Variants in DPYD observed in about 807,000 individuals in gnomAD.
DPYD encodes the protein dihydropyrimidine dehydrogenase.
A neutral mutation model predicts 116.2 loss-of-function variants in DPYD; 109 were observed. The observed-to-expected ratio is 0.94, with a 90% CI of 0.80 to 1.10. The LOEUF is 1.10. DPYD is among the 50% of genes least tolerant of loss of function. The pLI is 0.00. For missense variants in DPYD, 1,302 were observed against 1,254.5 expected, an observed-to-expected ratio of 1.04 and a Z score of -0.57; for synonymous variants, 440 against 432.0, an observed-to-expected ratio of 1.02 and a Z score of -0.23.
intron 12 of DPYD, among the ~76,000 whole-genome samples, chr1:97,527,880 A>C (rs1024637580): frequency 3.3e-5 from 5 of 152,100 alleles, no homozygotes; most frequent in African/African-American, 1.2e-4. Flanking sequence ...TGAAGAAGAA[A>C]TCACCATCAC....
intron 1 of DPYD, among the ~76,000 whole-genome samples, chr1:97,898,349 G>A (rs1186806859): frequency 6.6e-6 from 1 of 151,792 alleles, no homozygotes; most frequent in Non-Finnish European, 1.5e-5. Flanking sequence ...ACAAACTCTA[G>A]CTTCCTTGGT....
intron 1 of DPYD, among the ~76,000 whole-genome samples, chr1:97,906,671 C>T (rs899463857): frequency 6.6e-6 from 1 of 151,990 alleles, no homozygotes; most frequent in Non-Finnish European, 1.5e-5. Context: ...AGTATTGAAC[C>T]CTACATATAT....
At chr1:97,910,356 A>C (rs969775224) in intron 1 of DPYD, among the ~76,000 whole-genome samples, 19 of 152,094 alleles carry the variant, frequency 1.2e-4, no homozygotes, top group African/African-American at 4.6e-4. Context: ...GTTTTAAAGA[A>C]GACTAAAATA....
At chr1:97,352,863 T>C (rs908992209) in intron 16 of DPYD, among the ~76,000 whole-genome samples, 2 of 152,168 alleles carry the variant, frequency 1.3e-5, no homozygotes, top group African/African-American at 4.8e-5. Context: ...AGAATTTGTT[T>C]TTCTGTATTA....
At chr1:97,709,900 C>A (rs992878390) in intron 5 of DPYD, among the ~76,000 whole-genome samples, 4 of 151,492 alleles carry the variant, frequency 2.6e-5, no homozygotes, top group Non-Finnish European at 5.9e-5. Context: ...TCTAATTAAC[C>A]AAACAATAGC....
chr1:97,701,990 T>C (rs1661624497), intron 5 of DPYD, among the ~76,000 whole-genome samples: 1 of 151,680 alleles, frequency 6.6e-6, no homozygotes, highest in Non-Finnish European at 1.5e-5. Context: ...CAGCTACAAT[T>C]TGTATAATTT....
At chr1:97,596,834 T>C (rs746613450) in intron 8 of DPYD, among the ~76,000 whole-genome samples, 3 of 152,334 alleles carry the variant, frequency 2.0e-5, no homozygotes, top group Non-Finnish European at 4.4e-5. Context: ...TCCTTTTCCA[T>C]AGCATTTGCT....
At chr1:97,441,844 C>T (rs535012289) in intron 14 of DPYD, among the ~76,000 whole-genome samples, 6 of 152,136 alleles carry the variant, frequency 3.9e-5, no homozygotes, top group Non-Finnish European at 8.8e-5. Context: ...TATGGAAACA[C>T]GTTGATCCTT....
intron 21 of DPYD, among the ~76,000 whole-genome samples, chr1:97,093,111 C>T (rs1041393001): frequency 4.6e-5 from 7 of 152,106 alleles, no homozygotes; most frequent in African/African-American, 1.7e-4. Context: ...CACTATGAAA[C>T]AGATTCTATA....
chr1:97,709,657 A>G (rs778022605), intron 5 of DPYD, among the ~76,000 whole-genome samples: 2 of 151,840 alleles, frequency 1.3e-5, no homozygotes, highest in African/African-American at 2.4e-5. Context: ...GAGGAGCCAC[A>G]GGATTTTCCC....
intron 18 of DPYD, among the ~76,000 whole-genome samples, chr1:97,295,173 G>A (rs917284569): frequency 6.6e-6 from 1 of 152,012 alleles, no homozygotes; most frequent in African/African-American, 2.4e-5. Context: ...CTGCAGAATG[G>A]GCCCAATGGT....
chr1:97,604,123 C>T (rs1262187984), intron 8 of DPYD, among the ~76,000 whole-genome samples: 1 of 152,112 alleles, frequency 6.6e-6, no homozygotes, highest in Non-Finnish European at 1.5e-5. Context: ...AATTTGTTTT[C>T]TACATCTATG....
intron 2 of DPYD, among the ~76,000 whole-genome samples, chr1:97,843,256 T>C (rs952114105): frequency 6.6e-6 from 1 of 152,114 alleles, no homozygotes; most frequent in Non-Finnish European, 1.5e-5. Context: ...CAACAAAATA[T>C]TGCTTTACAG....
At chr1:97,871,564 T>G (rs1671657274) in intron 2 of DPYD, among the ~76,000 whole-genome samples, 1 of 150,986 alleles carries the variant, frequency 6.6e-6, no homozygotes, top group South Asian at 2.1e-4. Flanking sequence ...ATGTTGAGGC[T>G]TTTTGGAGAA....
chr1:97,454,834 T>A (rs1676598715), intron 13 of DPYD, among the ~76,000 whole-genome samples: 1 of 151,818 alleles, frequency 6.6e-6, no homozygotes, highest in Non-Finnish European at 1.5e-5. Context: ...AAAAGAAAAC[T>A]TTGCAGAAAT....
chr1:97,698,892 A>C (rs533486259), intron 6 of DPYD, among the ~76,000 whole-genome samples: 1 of 152,130 alleles, frequency 6.6e-6, no homozygotes, highest in African/African-American at 2.4e-5. Context: ...CATGCTGACA[A>C]AATTTTAATC....
chr1:97,418,708 G>A (rs761827066), intron 14 of DPYD, among the ~76,000 whole-genome samples: 10 of 152,060 alleles, frequency 6.6e-5, no homozygotes, highest in Non-Finnish European at 1.3e-4. Flanking sequence ...TACAACAGTA[G>A]AACATAATGA....
chr1:97,546,518 G>T (rs1201401058), intron 12 of DPYD: 50 of 1,598,810 alleles, frequency 3.1e-5, no homozygotes, highest in Non-Finnish European at 4.1e-5. Flanking sequence ...GAAGCAGAGT[G>T]GCAAGAATTA....
chr1:97,373,957 G>C (rs1332360086), intron 15 of DPYD, among the ~76,000 whole-genome samples: 1 of 152,202 alleles, frequency 6.6e-6, no homozygotes, highest in Non-Finnish European at 1.5e-5. Context: ...TTACAGGCAT[G>C]TGAACTGAAG....
Sources: allele counts gnomAD v4.1 joint callset (sites outside exome capture counted in the v4.1 genomes callset), GRCh38; gene constraint gnomAD v4.1.1; transcripts MANE v1.5; gene names NCBI Gene and HGNC (gene_info 2026-07-23, HGNC 2026-07-21).